SLC17A3: variants seen among roughly 807,000 people sequenced by gnomAD.
SLC17A3 encodes solute carrier family 17 member 3.
In SLC17A3, 61 loss-of-function variants were observed where a neutral mutation model predicts 60.3. The ratio of observed to expected loss-of-function variants is 1.01; its 90% CI spans 0.82 to 1.25. The LOEUF is 1.25. SLC17A3 is among the 50% of genes most tolerant of loss of function. The pLI, the probability that SLC17A3 is intolerant of heterozygous loss-of-function variation, is 0.00. For synonymous variants in SLC17A3, 192 were observed against 208.9 expected (o/e 0.92, Z 0.70); for missense variants, 624 against 594.9 (o/e 1.05, Z -0.51).
At chr6:25,850,410 T>C in intron 8 of SLC17A3, 49 bp downstream of exon 8, 2 of 1,570,696 alleles carry the variant, frequency 1.3e-6, no homozygotes, top group Middle Eastern at 1.7e-4. Context: ...GGCAGAGTAA[T>C]TGGTCAGCCA....
intron 2 of SLC17A3, among the ~76,000 whole-genome samples, chr6:25,866,152 C>A (rs72843590): frequency 0.043 from 6,482 of 151,972 alleles, 164 homozygotes; most frequent in Middle Eastern, 0.065. Context: ...TGGGACGTCA[C>A]CCCCATGATT....
At chr6:25,856,120 G>A (rs972013427) in intron 5 of SLC17A3, among the ~76,000 whole-genome samples, 3 of 152,208 alleles carry the variant, frequency 2.0e-5, no homozygotes, top group Non-Finnish European at 4.4e-5. Flanking sequence ...TACTGACAAA[G>A]TACCTTACTA....
Position 25,861,620 on chromosome 6 carries a change from T to C in SLC17A3, c.625+4A>G. 1.9e-6 allele frequency: 3 copies of C among 1,613,416 alleles called. No homozygotes were observed. The highest frequency in any genetic ancestry group is 2.5e-6 in the Non-Finnish European group (3 of 1,179,346). Reference sequence around the variant, plus strand: ...GTGTACCCATTTGGATTACATGTCCTTACCTGATAAAGCAATGCTGCAGAG... The same window carrying C: ...GTGTACCCATTTGGATTACATGTCCCTACCTGATAAAGCAATGCTGCAGAG... On this transcript the variant is annotated splice_donor_region_variant and intron_variant, in intron 5 of 12. Transcript: ENST00000397060.
chr6:25,869,640 A>C (rs369745366), intron 1 of SLC17A3, among the ~76,000 whole-genome samples: 1 of 152,014 alleles, frequency 6.6e-6, no homozygotes, highest in African/African-American at 2.4e-5. Flanking sequence ...TACATCTTAC[A>C]TGGCAGCAAG....
In SLC17A3 at chr6:25,849,768, G is replaced by GA. The variant is rs778021889; in HGVS notation, c.1271+36dup. On this transcript the variant is annotated intron_variant, in intron 10 of 12. Coordinates refer to ENST00000397060, the MANE Select transcript of SLC17A3 (RefSeq NM_001098486.2). ...AAAGCTGAAAGCTAAATCTTTTAAA[G>GA]AAAATGTGAAACTGATAGTGGAGAT... 2.5e-6 allele frequency: 4 copies of GA among 1,606,710 alleles called. No homozygotes were observed. The South Asian group carries it at 4.4e-5, about 18-fold the overall frequency.
chr6:25,854,800 T>A (rs1259916821), intron 6 of SLC17A3, among the ~76,000 whole-genome samples: 1 of 150,644 alleles, frequency 6.6e-6, no homozygotes, highest in African/African-American at 2.5e-5. Flanking sequence ...GTGCTTACTC[T>A]GAGACAAAAC....
Position 25,858,979 on chromosome 6 carries a change from C to G in SLC17A3, c.625+2645G>C, listed in dbSNP as rs181308864. On this transcript the variant is annotated intron_variant, in intron 5 of 12. Coordinates refer to ENST00000397060, the MANE Select transcript of SLC17A3 (RefSeq NM_001098486.2). Reference sequence around the variant, plus strand: ...TTAAAGTTGTATCATCCTGGATGTCCTTTTCTAAGACACTGTAATGTGTTT... The same window carrying G: ...TTAAAGTTGTATCATCCTGGATGTCGTTTTCTAAGACACTGTAATGTGTTT... Among the ~76,000 whole-genome samples the G allele has an allele frequency of 3.7e-3, 558 of 152,102 alleles. 3 individuals are homozygous for G. Among genetic ancestry groups the G allele is most frequent in the Middle Eastern group, 0.014 (4 of 294 alleles).
rs1435139608 is a variant in SLC17A3, at chr6:25,868,499, A to C, written c.-33-79T>G. 5.3e-6 allele frequency: 5 copies of C among 944,434 alleles called. No homozygotes were observed. The African/African-American group carries it at 8.2e-5, about 15-fold the overall frequency. The allele number at this position is 944,434 out of a possible 1,614,324, so 58.5% of individuals were successfully genotyped here. A position where few individuals can be genotyped will look rare whatever the true frequency, so the allele number is the denominator to read the frequency against. ...GTTGAAATATTTAAACAAGGGCACC[A>C]AGGAAAAAAAAGCTGGCCCATTCCA... On this transcript the variant is annotated intron_variant, in intron 1 of 12. Coordinates refer to ENST00000397060, the MANE Select transcript of SLC17A3 (RefSeq NM_001098486.2).
intron 5 of SLC17A3, among the ~76,000 whole-genome samples, chr6:25,856,570 G>A (rs534862625): frequency 2.0e-5 from 3 of 152,136 alleles, no homozygotes; most frequent in African/African-American, 4.8e-5. Flanking sequence ...CTTTCTGGCC[G>A]GGCGCAGTGG....
chr6:25,856,010 A>T (rs1765350948), intron 5 of SLC17A3, among the ~76,000 whole-genome samples: 1 of 152,216 alleles, frequency 6.6e-6, no homozygotes, highest in African/African-American at 2.4e-5. Flanking sequence ...AGTTACTCTG[A>T]ACATAGACAT....
intron 2 of SLC17A3, among the ~76,000 whole-genome samples, chr6:25,866,676 T>C (rs1208887167): frequency 2.6e-5 from 4 of 151,940 alleles, no homozygotes; most frequent in Non-Finnish European, 5.9e-5. Context: ...CATTACAAAA[T>C]TTATCATGAG....
chr6:25,874,034 G>A (rs1222279908), intron 1 of SLC17A3, 133 bp downstream of exon 1: 1 of 152,024 alleles, frequency 6.6e-6, no homozygotes, highest in African/African-American at 2.4e-5. Flanking sequence ...TGTTAATATG[G>A]ATTTTTACAT....
intron 2 of SLC17A3, among the ~76,000 whole-genome samples, chr6:25,867,354 T>C (rs1426291791): frequency 2.6e-5 from 4 of 151,910 alleles, no homozygotes; most frequent in Non-Finnish European, 5.9e-5. Flanking sequence ...AATCACCTCC[T>C]CTTCTGCTCA....
At chr6:25,861,347 G>A (rs1221082036) in intron 5 of SLC17A3, among the ~76,000 whole-genome samples, 2 of 151,946 alleles carry the variant, frequency 1.3e-5, no homozygotes, top group African/African-American at 2.4e-5. Context: ...TTCCATCTAT[G>A]ACTCAAAATC....
rs561989379 is a variant in SLC17A3, at chr6:25,845,691, T to C, written c.1363-175A>G. Among the ~76,000 whole-genome samples, 4 of 152,332 alleles carry C rather than the reference T, an allele frequency of 2.6e-5. No homozygotes were observed. The South Asian group carries it at 8.3e-4, about 32-fold the overall frequency. ...TTCAAAATACATTCAGTGTTCTTAA[T>C]AAAGGGTATTTGGGGAACTTTGTGA... On this transcript the variant is annotated intron_variant, in intron 11 of 12. Transcript: ENST00000397060.
At chr6:25,858,813 A>G (rs974690836) in intron 5 of SLC17A3, among the ~76,000 whole-genome samples, 1 of 152,212 alleles carries the variant, frequency 6.6e-6, no homozygotes, top group Non-Finnish European at 1.5e-5. Flanking sequence ...TTTAATGCTC[A>G]AATACACACA....
chr6:25,868,072 G>A (rs1282265029), intron 2 of SLC17A3, among the ~76,000 whole-genome samples: 1 of 151,748 alleles, frequency 6.6e-6, no homozygotes, highest in African/African-American at 2.4e-5. Flanking sequence ...CAATTATCAA[G>A]AATGTAAAGA....
chr6:25,861,475 T>C (rs904397982), intron 5 of SLC17A3, 149 bp downstream of exon 5: 4 of 720,178 alleles, frequency 5.6e-6, no homozygotes, highest in Admixed American at 4.3e-5. Context: ...CTGAAAGTCA[T>C]GTCATAGACA....
At chr6:25,871,684 T>A (rs987515774) in intron 1 of SLC17A3, among the ~76,000 whole-genome samples, 1 of 152,004 alleles carries the variant, frequency 6.6e-6, no homozygotes, top group Non-Finnish European at 1.5e-5. Context: ...TCTGAATTAT[T>A]GATGTTGGAA....
Sources: gnomAD v4.1 joint callset for allele counts (sites outside exome capture counted in the v4.1 genomes callset) on GRCh38, gnomAD v4.1.1 for gene constraint, MANE v1.5 for transcripts, NCBI Gene and HGNC (gene_info 2026-07-23, HGNC 2026-07-21) for gene names.